Variants in PTPRQ observed in about 807,000 individuals in gnomAD.
PTPRQ encodes protein tyrosine phosphatase receptor type Q.
Under a neutral mutation model 246.0 loss-of-function variants are expected in PTPRQ, and 199 were observed. The observed-to-expected ratio is 0.81, with a 90% CI of 0.72 to 0.91. The LOEUF (loss-of-function observed/expected upper bound fraction) is 0.91, where lower values mean the gene tolerates loss of function less well. PTPRQ is among the 40% of genes least tolerant of loss of function. The pLI is 0.00. For missense variants in PTPRQ, 2,624 were observed against 2,528.4 expected, an observed-to-expected ratio of 1.04 and a Z score of -0.81; for synonymous variants, 869 against 853.2, an observed-to-expected ratio of 1.02 and a Z score of -0.32.
At chr12:80,467,748 A>G (rs201062741) in intron 6 of PTPRQ, among the ~76,000 whole-genome samples, 3 of 151,490 alleles carry the variant, frequency 2.0e-5, no homozygotes, top group Non-Finnish European at 4.4e-5. Flanking sequence ...TCAGTAAACT[A>G]TCACAAGAAC....
chr12:80,501,542 A>G (rs1366406348), intron 14 of PTPRQ, among the ~76,000 whole-genome samples: 1 of 151,960 alleles, frequency 6.6e-6, no homozygotes, highest in African/African-American at 2.4e-5. Flanking sequence ...TGAATATATA[A>G]TTTGGAGCCT....
In PTPRQ at chr12:80,655,908, C is replaced by CTTTAAGAT. The variant is rs1900418323; in HGVS notation, c.6116-2076_6116-2069dup. 3.3e-5 allele frequency among the ~76,000 whole-genome samples: 5 copies of CTTTAAGAT among 152,126 alleles called. No individual in the cohort carries two copies. In the South Asian group the frequency reaches 1.0e-3, roughly 32 times the overall value. ...TTTTAGAAGACATTAGCTTAAAACA[C>CTTTAAGAT]TTTAAGATGCTAGAATTAGCAGCAA... On this transcript the variant is annotated intron_variant, in intron 38 of 44. Transcript: ENST00000644991.
chr12:80,604,919 A>T, intron 26 of PTPRQ, 140 bp from the exon 27 acceptor site: 1 of 888,520 alleles, frequency 1.1e-6, no homozygotes, highest in African/African-American at 1.7e-5. Context: ...TAATGCCTTT[A>T]GCACTCTGTG....
chr12:80,517,183 A>G (rs888598073), intron 17 of PTPRQ, among the ~76,000 whole-genome samples: 24 of 152,178 alleles, frequency 1.6e-4, no homozygotes, highest in African/African-American at 5.5e-4. Context: ...TGTTAAAAAA[A>G]TGAGTAGATC....
At chr12:80,579,027 A>G (rs1371926458) in intron 25 of PTPRQ, among the ~76,000 whole-genome samples, 1 of 152,072 alleles carries the variant, frequency 6.6e-6, no homozygotes, top group Admixed American at 6.5e-5. Flanking sequence ...TCTGTGCTCA[A>G]TATACCATCA....
intron 33 of PTPRQ, among the ~76,000 whole-genome samples, chr12:80,629,311 C>T (rs1899331483): frequency 6.6e-6 from 1 of 152,076 alleles, no homozygotes; most frequent in South Asian, 2.1e-4. Context: ...CAAATACAGC[C>T]ACACTGGGGA....
chr12:80,518,328 T>C (rs747073604), intron 17 of PTPRQ, among the ~76,000 whole-genome samples: 2 of 152,174 alleles, frequency 1.3e-5, no homozygotes, highest in Non-Finnish European at 2.9e-5. Flanking sequence ...TTTGATTGGA[T>C]TGTTAGTTCT....
Position 80,450,521 on chromosome 12 carries a change from A to G in PTPRQ, c.390+4804A>G, listed in dbSNP as rs571461802. On this transcript the variant is annotated intron_variant, in intron 3 of 44. Transcript: ENST00000644991. ...ATGATATTGGCTGTGGGTTTGTCAT[A>G]GATAGCTCTTATTATTTTGAGATAC... 2.8e-3 allele frequency among the ~76,000 whole-genome samples: 427 copies of G among 152,128 alleles called. 2 individuals are homozygous for G. Among genetic ancestry groups the G allele is most frequent in the African/African-American group, 9.7e-3 (400 of 41,440 alleles).
intron 8 of PTPRQ, among the ~76,000 whole-genome samples, chr12:80,484,065 G>A (rs1319582021): frequency 1.3e-5 from 2 of 151,758 alleles, no homozygotes; most frequent in African/African-American, 2.4e-5. Flanking sequence ...GAGTGCAGTG[G>A]TGCAATCTCC....
intron 17 of PTPRQ, among the ~76,000 whole-genome samples, chr12:80,511,307 T>C (rs1043473480): frequency 6.6e-6 from 1 of 152,162 alleles, no homozygotes; most frequent in Non-Finnish European, 1.5e-5. Context: ...TTTTTTGTTT[T>C]CTTTGTTGCC....
intron 19 of PTPRQ, 30 bp from the exon 20 acceptor site, chr12:80,539,746 T>C (rs1236368601): frequency 1.3e-6 from 2 of 1,507,006 alleles, no homozygotes; most frequent in African/African-American, 1.4e-5. Flanking sequence ...AAAAAATACA[T>C]TCTGAACAAT....
intron 4 of PTPRQ, among the ~76,000 whole-genome samples, chr12:80,457,984 T>C (rs897932787): frequency 1.3e-5 from 2 of 152,142 alleles, no homozygotes; most frequent in African/African-American, 2.4e-5. Context: ...TATATGACTA[T>C]ACATTAATGA....
In PTPRQ at chr12:80,542,135, T is replaced by C. The variant is rs191613794; in HGVS notation, c.3492T>C (p.Ser1164=). The part of the protein sequence containing the change: ...PIINTFKNLS[S]TSVLLSWDPP... ...TCAACACTTTTAAAAACCTTTCCTC[T>C]ACCTCAGTTCTCTTATCATGGGATC... The change falls in exon 22 of 45, where the codon TCT becomes TCC. Residue 1164 remains serine (S), a synonymous_variant. Coordinates refer to ENST00000644991, the MANE Select transcript of PTPRQ (RefSeq NM_001145026.2). The C allele has an allele frequency of 2.6e-5, 41 of 1,550,588 alleles. No homozygotes were observed. The African/African-American group carries it at 4.6e-4, about 18-fold the overall frequency.
At chr12:80,677,012 C>T (rs1055540835) in intron 43 of PTPRQ, among the ~76,000 whole-genome samples, 1 of 152,116 alleles carries the variant, frequency 6.6e-6, no homozygotes, top group Non-Finnish European at 1.5e-5. Context: ...CAGTATGCTG[C>T]TTTCTTGGCA....
intron 26 of PTPRQ, among the ~76,000 whole-genome samples, chr12:80,602,669 T>G (rs1381303993): frequency 6.6e-6 from 1 of 151,796 alleles, no homozygotes; most frequent in Non-Finnish European, 1.5e-5. Context: ...TCACCTCTTA[T>G]AGGCCCCACC....
intron 24 of PTPRQ, among the ~76,000 whole-genome samples, chr12:80,548,222 A>T (rs1245217961): frequency 6.6e-6 from 1 of 152,094 alleles, no homozygotes; most frequent in Non-Finnish European, 1.5e-5. Flanking sequence ...TTCACCTTTA[A>T]GTGTTTTAAT....
At chr12:80,654,181 T>G (rs1380432212) in intron 38 of PTPRQ, among the ~76,000 whole-genome samples, 1 of 152,066 alleles carries the variant, frequency 6.6e-6, no homozygotes, top group Admixed American at 6.6e-5. Flanking sequence ...CTGCAACTTC[T>G]GCCTCCTGGG....
At position 80,506,617 on chromosome 12, in the gene PTPRQ, T is replaced by G; in HGVS notation, c.2504T>G (p.Leu835Arg). 1.9e-6 allele frequency: 3 copies of G among 1,543,896 alleles called. No homozygotes were observed. Among genetic ancestry groups the G allele is most frequent in the Non-Finnish European group, 2.6e-6 (3 of 1,141,434 alleles). ...QYIIEVSAST[L>R]KGEGVRSAPI... ...ATCATTGAGGTGTCTGCTAGTACAC[T>G]CAAAGGTGAAGGAGTTCGGAGTGCT... Residue 835 changes from leucine (L) to arginine (R), a missense_variant, in exon 16 of 45, where the codon CTC becomes CGC. Transcript: ENST00000644991.
chr12:80,545,960 TA>T (rs1332456966), intron 23 of PTPRQ, among the ~76,000 whole-genome samples: 4 of 151,578 alleles, frequency 2.6e-5, no homozygotes, highest in East Asian at 1.9e-4. Flanking sequence ...TTATGCAAAT[TA>T]AAAAAAATGA....
Sources: gnomAD v4.1 joint callset for allele counts (sites outside exome capture counted in the v4.1 genomes callset) on GRCh38, gnomAD v4.1.1 for gene constraint, MANE v1.5 for transcripts, NCBI Gene and HGNC (gene_info 2026-07-23, HGNC 2026-07-21) for gene names.